Variants in RSPRY1 observed in about 807,000 individuals in gnomAD.
RSPRY1 encodes ring finger and SPRY domain containing 1.
RSPRY1 carries 23 observed loss-of-function variants against 73.1 expected under a neutral mutation model. That is an observed-to-expected ratio of 0.31 (90% confidence interval 0.23 to 0.45). The LOEUF (loss-of-function observed/expected upper bound fraction) is 0.45. Among genes scored for constraint, RSPRY1 ranks in the 20% least tolerant of loss-of-function variants. The pLI, the probability that RSPRY1 is intolerant of heterozygous loss-of-function variation, is 1.00. For synonymous variants in RSPRY1, 226 were observed against 251.4 expected (o/e 0.90, Z 0.95); for missense variants, 448 against 698.7 (o/e 0.64, Z 4.05).
Position 57,235,137 on chromosome 16 carries a change from G to A in RSPRY1, c.1543G>A (p.Ala515Thr), listed in dbSNP as rs770165585. 4.3e-6 allele frequency: 7 copies of A among 1,613,888 alleles called. No homozygotes were observed. Among genetic ancestry groups the A allele is most frequent in the Non-Finnish European group, 5.1e-6 (6 of 1,179,872 alleles). ...KIILPRHRRLALLKQVSIREN... is the reference protein window; with the variant it reads ...KIILPRHRRLTLLKQVSIREN... ...TTTTCTACTCAGGCACAGGCGTCTT[G>A]CTCTGTTGAAGCAAGTCAGTATCCG... Residue 515 changes from alanine (A) to threonine (T), a missense_variant, in exon 14 of 15, where the codon GCT (alanine) becomes ACT (threonine). By Grantham distance (58) the Ala-to-Thr change is moderately conservative. Transcript: ENST00000394420.
chr16:57,189,595 T>TC (rs1255582801), intron 1 of RSPRY1, among the ~76,000 whole-genome samples: 1 of 144,496 alleles, frequency 6.9e-6, no homozygotes, highest in African/African-American at 2.5e-5. Flanking sequence ...TTTCTTTTCT[T>TC]TTTTTTTTTT....
intron 13 of RSPRY1, among the ~76,000 whole-genome samples, chr16:57,233,670 C>T (rs1217878359): frequency 2.0e-5 from 3 of 152,138 alleles, no homozygotes; most frequent in African/African-American, 4.8e-5. Flanking sequence ...GTGCCTGGCC[C>T]CTCGTCTGTT....
chr16:57,214,452 G>C (rs1180970044), intron 6 of RSPRY1, among the ~76,000 whole-genome samples: 1 of 152,128 alleles, frequency 6.6e-6, no homozygotes, highest in East Asian at 1.9e-4. Flanking sequence ...CATAGTTCTG[G>C]CCTGTGGTCT....
At chr16:57,216,681 C>G (rs1195361478) in intron 7 of RSPRY1, among the ~76,000 whole-genome samples, 2 of 152,118 alleles carry the variant, frequency 1.3e-5, no homozygotes, top group Non-Finnish European at 1.5e-5. Context: ...AGTTGTGCCA[C>G]TGCACTCCAG....
At chr16:57,186,258 G>T, upstream of RSPRY1, 1 of 824,350 alleles carries the variant, frequency 1.2e-6, no homozygotes, top group Non-Finnish European at 1.5e-6. Flanking sequence ...CAAGGAGAGG[G>T]CTTGCCACCG....
chr16:57,214,587 A>C (rs963476858), intron 6 of RSPRY1, among the ~76,000 whole-genome samples: 1 of 152,100 alleles, frequency 6.6e-6, no homozygotes, highest in Non-Finnish European at 1.5e-5. Flanking sequence ...CACTTACCTT[A>C]CTCTCAATGA....
chr16:57,186,702 G>A (rs1233644504), intron 1 of RSPRY1: 1 of 152,008 alleles, frequency 6.6e-6, no homozygotes, highest in Non-Finnish European at 1.5e-5. Context: ...TCCTAGAAGA[G>A]GGTGTTCCCT....
intron 3 of RSPRY1, among the ~76,000 whole-genome samples, chr16:57,208,396 A>ATT (rs1432632495): frequency 1.6e-4 from 6 of 38,164 alleles, no homozygotes; most frequent in African/African-American, 3.0e-4. Flanking sequence ...ATATATATAT[A>ATT]TATATTTTTT....
At chr16:57,186,267 CGAG>C (rs2074167635), upstream of RSPRY1, 1 of 743,270 alleles carries the variant, frequency 1.3e-6, no homozygotes, top group Admixed American at 6.3e-5. Context: ...GGCTTGCCAC[CGAG>C]GAAGGGGCGT....
At chr16:57,233,798 A>G (rs1032686726) in intron 13 of RSPRY1, among the ~76,000 whole-genome samples, 74 of 152,224 alleles carry the variant, frequency 4.9e-4, no homozygotes, top group African/African-American at 1.7e-3. Flanking sequence ...GTGCCTTCAG[A>G]ATATATCCAA....
intron 1 of RSPRY1, among the ~76,000 whole-genome samples, chr16:57,188,301 G>A (rs1050403652): frequency 6.6e-6 from 1 of 151,784 alleles, no homozygotes; most frequent in African/African-American, 2.4e-5. Flanking sequence ...TTGGTTCGTC[G>A]TACTTGTTAG....
chr16:57,201,973 G>C (rs1222310328), intron 1 of RSPRY1, among the ~76,000 whole-genome samples: 4 of 151,858 alleles, frequency 2.6e-5, no homozygotes, highest in Non-Finnish European at 5.9e-5. Context: ...GGGAGAGGGA[G>C]AGGAGGGAGA....
At chr16:57,213,140 T>A in intron 5 of RSPRY1, 42 bp downstream of exon 5, 2 of 1,571,948 alleles carry the variant, frequency 1.3e-6, no homozygotes, top group Non-Finnish European at 1.7e-6. Flanking sequence ...TTAAGTTGTT[T>A]GACATTAAAG....
chr16:57,202,655 C>T (rs2074641280), intron 1 of RSPRY1, among the ~76,000 whole-genome samples: 1 of 152,096 alleles, frequency 6.6e-6, no homozygotes, highest in African/African-American at 2.4e-5. Flanking sequence ...ACATCCTTTT[C>T]AGTACAACCT....
chr16:57,202,470 C>G (rs922679729), intron 1 of RSPRY1, among the ~76,000 whole-genome samples: 4 of 152,222 alleles, frequency 2.6e-5, no homozygotes, highest in Non-Finnish European at 4.4e-5. Context: ...TCTGTTTCCT[C>G]TATTCTCTTA....
chr16:57,205,154 G>T, intron 2 of RSPRY1, 146 bp downstream of exon 2: 1 of 611,860 alleles, frequency 1.6e-6, no homozygotes, highest in Non-Finnish European at 2.9e-6. Flanking sequence ...ATGCTCCGCT[G>T]ATGGCAGAGT....
intron 4 of RSPRY1, among the ~76,000 whole-genome samples, chr16:57,211,724 T>C (rs2074847024): frequency 2.0e-5 from 3 of 152,102 alleles, no homozygotes; most frequent in Non-Finnish European, 4.4e-5. Context: ...TTTTTTTTTT[T>C]CTTTTTTTCT....
intron 10 of RSPRY1, among the ~76,000 whole-genome samples, chr16:57,222,163 C>T (rs1235082381): frequency 6.6e-6 from 1 of 152,018 alleles, no homozygotes; most frequent in African/African-American, 2.4e-5. Context: ...AAATAATAGC[C>T]CCCCCCTCCA....
At chr16:57,186,884 G>C (rs1437669757) in intron 1 of RSPRY1, 4 of 152,264 alleles carry the variant, frequency 2.6e-5, no homozygotes. Context: ...ATGAAGGGAC[G>C]CTTTAGGAGG....
Sources: gnomAD v4.1 joint callset for allele counts (sites outside exome capture counted in the v4.1 genomes callset) on GRCh38, gnomAD v4.1.1 for gene constraint, MANE v1.5 for transcripts, NCBI Gene and HGNC (gene_info 2026-07-23, HGNC 2026-07-21) for gene names.